The following ELF1 variants were observed in gnomAD, a reference collection of about 807,000 sequenced individuals.
ELF1 encodes the protein ETS-related transcription factor Elf-1.
Under a neutral mutation model 59.9 loss-of-function variants are expected in ELF1, and 24 were observed. The ratio of observed to expected loss-of-function variants is 0.40; its 90% confidence interval spans 0.29 to 0.56. ELF1 has a LOEUF of 0.56. ELF1 is among the 20% of genes least tolerant of loss of function. ELF1 has a pLI of 0.44. For missense variants in ELF1, 627 were observed against 742.2 expected, an observed-to-expected ratio of 0.84 and a Z score of 1.80; for synonymous variants, 248 against 266.2, an observed-to-expected ratio of 0.93 and a Z score of 0.67.
chr13:41,025,679 T>C (rs538676287), intron 1 of ELF1, among the ~76,000 whole-genome samples: 1 of 152,368 alleles, frequency 6.6e-6, no homozygotes, highest in Non-Finnish European at 1.5e-5. Context: ...ATGTGCCAGG[T>C]ACTGTTCTAG....
chr13:41,019,515 T>TA, upstream of ELF1: 1 of 435,818 alleles, frequency 2.3e-6, no homozygotes, highest in Non-Finnish European at 3.0e-6. Flanking sequence ...ACTAAGCTCA[T>TA]ATTAATTGCC....
At chr13:41,029,236 C>T (rs1484013715) in intron 1 of ELF1, among the ~76,000 whole-genome samples, 1 of 152,148 alleles carries the variant, frequency 6.6e-6, no homozygotes, top group African/African-American at 2.4e-5. Flanking sequence ...AGTAGGTGCA[C>T]ATGGGTGCCA....
chr13:40,948,317 G>A (rs539207227), intron 5 of ELF1, among the ~76,000 whole-genome samples: 136 of 152,300 alleles, frequency 8.9e-4, no homozygotes, highest in African/African-American at 3.2e-3. Flanking sequence ...ATCTGTCTGT[G>A]CCAATGGGTG....
chr13:41,033,004 C>G (rs1876233257), intron 1 of ELF1, among the ~76,000 whole-genome samples: 2 of 152,154 alleles, frequency 1.3e-5, no homozygotes, highest in Admixed American at 1.3e-4. Context: ...AATCACAGAA[C>G]TCTTAGCCCC....
chr13:40,986,928 A>G (rs1873576545), intron 1 of ELF1, among the ~76,000 whole-genome samples: 1 of 128,132 alleles, frequency 7.8e-6, no homozygotes, highest in Admixed American at 9.4e-5. Flanking sequence ...TTTTTAGAAA[A>G]TCATTGCTCT....
At chr13:41,053,226 C>T (rs951494119) in intron 1 of ELF1, among the ~76,000 whole-genome samples, 4 of 151,850 alleles carry the variant, frequency 2.6e-5, no homozygotes, top group Non-Finnish European at 5.9e-5. Context: ...TGGTGGTGCA[C>T]GCCTGGAATC....
intron 1 of ELF1, among the ~76,000 whole-genome samples, chr13:41,012,973 AAATT>A (rs1472921462): frequency 6.6e-6 from 1 of 152,170 alleles, no homozygotes; most frequent in Non-Finnish European, 1.5e-5. Context: ...GTATTTATTA[AAATT>A]TATTTTTTAT....
intron 1 of ELF1, among the ~76,000 whole-genome samples, chr13:41,025,093 C>T (rs1189817226): frequency 1.3e-5 from 2 of 151,944 alleles, no homozygotes; most frequent in Non-Finnish European, 2.9e-5. Flanking sequence ...ACTATTATGG[C>T]GTTCAAGGCT....
chr13:41,001,778 C>T (rs917958255), intron 1 of ELF1, among the ~76,000 whole-genome samples: 7 of 152,138 alleles, frequency 4.6e-5, no homozygotes, highest in African/African-American at 1.7e-4. Flanking sequence ...GAAGATCACT[C>T]CAGCCCAACA....
intron 1 of ELF1, among the ~76,000 whole-genome samples, chr13:41,053,312 C>T (rs1877165707): frequency 6.6e-6 from 1 of 151,754 alleles, no homozygotes; most frequent in Non-Finnish European, 1.5e-5. Flanking sequence ...CGAGATCATG[C>T]TACTGCACTC....
At chr13:40,975,076 G>T (rs528360928) in intron 2 of ELF1, among the ~76,000 whole-genome samples, 2 of 152,276 alleles carry the variant, frequency 1.3e-5, no homozygotes, top group East Asian at 3.9e-4. Context: ...TAAAAAGAAG[G>T]CAACCAAAGC....
At chr13:41,031,309 C>T (rs1405914215) in intron 1 of ELF1, among the ~76,000 whole-genome samples, 1 of 152,142 alleles carries the variant, frequency 6.6e-6, no homozygotes, top group Non-Finnish European at 1.5e-5. Context: ...GGAACTGTAT[C>T]GTACAGCTTC....
At chr13:41,025,488 C>G (rs953786196) in intron 1 of ELF1, among the ~76,000 whole-genome samples, 1 of 152,214 alleles carries the variant, frequency 6.6e-6, no homozygotes, top group African/African-American at 2.4e-5. Flanking sequence ...CTTCAAGGAA[C>G]CTTGACACTC....
chr13:40,958,381 C>T (rs2031660), intron 3 of ELF1, among the ~76,000 whole-genome samples: 150,289 of 152,292 alleles, frequency 0.99, 74,181 homozygotes, highest in East Asian at 1. Context: ...CACAGGAATA[C>T]GGAGGAAGGC....
rs1870131796 is a variant in ELF1 at position 40,941,056 on chromosome 13, G to A, written c.1121C>T (p.Thr374Met). 5 of 1,614,188 alleles carry A rather than the reference G, an allele frequency of 3.1e-6. No individual in the cohort carries two copies. The highest frequency in any genetic ancestry group is 1.6e-4 in the Middle Eastern group (1 of 6,062). The change falls in exon 8 of 9, where the codon ACG (threonine) becomes ATG (methionine). Residue 374 changes from threonine to methionine, a missense_variant. Physicochemically the swap from Thr to Met is moderately conservative, Grantham distance 81 (BLOSUM62 -1). This residue lies in a region of ELF1 where 361 missense variants were observed against 396.1 expected (regional missense o/e 0.91). Transcript: ENST00000239882. ...GAGCTGGGTAGGATATGGAGACTGC[G>A]TGGGCTGCACTGTCCTCAAAACTTC... ...PSEVLRTVQPTQSPYPTQLFR... is the reference protein window; with the variant it reads ...PSEVLRTVQPMQSPYPTQLFR...
At chr13:41,034,605 T>C (rs1876297687) in intron 1 of ELF1, among the ~76,000 whole-genome samples, 1 of 152,148 alleles carries the variant, frequency 6.6e-6, no homozygotes, top group Non-Finnish European at 1.5e-5. Context: ...GTTTTATCTG[T>C]ACTAAGATTA....
upstream of ELF1, among the ~76,000 whole-genome samples, chr13:41,021,987 G>A (rs1593399964): frequency 6.6e-6 from 1 of 152,260 alleles, no homozygotes; most frequent in East Asian, 1.9e-4. Flanking sequence ...TAGCCACTTC[G>A]GAAGATAGTT....
At position 41,042,563 on chromosome 13, in the gene ELF1, G is replaced by GT. The variant is rs574110233; in HGVS notation, c.-229+18274dup. Among the ~76,000 whole-genome samples the GT allele has an allele frequency of 2.8e-3, 433 of 152,128 alleles. 3 individuals carry two copies. The highest frequency in any genetic ancestry group is 6.8e-3 in the Middle Eastern group (2 of 294). ...TATGAGTGAGAACATGCGGTGTTTG[G>GT]TTTTTTGTCCTTGCGATAGTTTGCT... On this transcript the variant is annotated intron_variant, in intron 1 of 1. Transcript: ENST00000405737.
chr13:40,993,128 T>C (rs1170364893), intron 1 of ELF1: 8 of 1,577,878 alleles, frequency 5.1e-6, no homozygotes, highest in African/African-American at 1.4e-5. Flanking sequence ...GGTTTTGGCA[T>C]TCCTCTAGGA....
Sources: gnomAD v4.1 joint callset for allele counts (sites outside exome capture counted in the v4.1 genomes callset) on GRCh38, gnomAD v4.1.1 for gene constraint, gnomAD v4.1.1 regional missense constraint, MANE v1.5 for transcripts, NCBI Gene and HGNC (gene_info 2026-07-23, HGNC 2026-07-21) for gene names.